The following RPH3AL variants were observed in gnomAD, a reference collection of about 807,000 sequenced individuals.
RPH3AL encodes the protein rab effector Noc2.
RPH3AL carries 38 observed loss-of-function variants against 43.1 expected under a neutral mutation model. That is an observed-to-expected ratio of 0.88 (90% CI 0.68 to 1.15). The LOEUF is 1.15. Ranked by LOEUF, RPH3AL falls within the 50% of genes most tolerant of loss-of-function variation. The probability of loss-of-function intolerance (pLI) is 0.00; values close to 1 mark genes in which losing one functional copy is unlikely to be tolerated. For synonymous variants in RPH3AL, 189 were observed against 176.3 expected, an observed-to-expected ratio of 1.07 and a Z score of -0.57; for missense variants, 462 against 423.2, an observed-to-expected ratio of 1.09 and a Z score of -0.81.
At chr17:301,095 G>C (rs1184732197) in intron 5 of RPH3AL, among the ~76,000 whole-genome samples, 1 of 152,276 alleles carries the variant, frequency 6.6e-6, no homozygotes, top group Non-Finnish European at 1.5e-5. Flanking sequence ...GCTGCCTCAG[G>C]GGGGCCCAGG....
At chr17:320,262 A>G (rs896393963) in intron 4 of RPH3AL, among the ~76,000 whole-genome samples, 1 of 150,972 alleles carries the variant, frequency 6.6e-6, no homozygotes, top group Non-Finnish European at 1.5e-5. Context: ...GGCATGTTCC[A>G]TGGGACCAGC....
chr17:249,199 G>A lies in RPH3AL; in HGVS notation c.439-1914C>T, dbSNP rs1567583818. ...ATTTAGTCAGGAGGGGTGGGAGCCT[G>A]TAAACGAACACTTTGCAAAAACCTC... On this transcript the variant is annotated intron_variant, in intron 6 of 9. Transcript: ENST00000331302. Among the ~76,000 whole-genome samples the A allele has an allele frequency of 2.6e-5, 4 of 152,276 alleles. No individual in the cohort carries two copies. The South Asian group carries it at 8.3e-4, about 32-fold the overall frequency.
intron 6 of RPH3AL, among the ~76,000 whole-genome samples, chr17:273,938 C>T (rs945132058): frequency 2.0e-5 from 3 of 152,176 alleles, no homozygotes; most frequent in African/African-American, 7.2e-5. Context: ...CCTCAGATAA[C>T]ATCTGTGTCC....
intron 6 of RPH3AL, among the ~76,000 whole-genome samples, chr17:265,810 G>A (rs978590870): frequency 3.3e-5 from 5 of 152,140 alleles, no homozygotes; most frequent in African/African-American, 7.2e-5. Flanking sequence ...TCTTGCAGAC[G>A]GGAGGCCGGT....
intron 3 of RPH3AL, among the ~76,000 whole-genome samples, chr17:324,061 G>A (rs12947264): frequency 0.32 from 48,091 of 150,374 alleles, 8,948 homozygotes; most frequent in Non-Finnish European, 0.44. Context: ...CCTCAGCCAC[G>A]CGGCGAGGCA....
At chr17:332,029 G>A (rs2044782409) in intron 2 of RPH3AL, 1 of 447,142 alleles carries the variant, frequency 2.2e-6, no homozygotes, top group East Asian at 7.1e-5. Context: ...CAGGGCTGGT[G>A]GAGCTCTGGG....
chr17:243,371 C>T lies in RPH3AL; in HGVS notation c.613+3740G>A, dbSNP rs543019440. Among the ~76,000 whole-genome samples the T allele has an allele frequency of 1.9e-4, 24 of 125,492 alleles. No individual in the cohort carries two copies. In the East Asian group the frequency reaches 3.9e-3, roughly 21 times the overall value. The allele number at this position is 125,492 out of a possible 152,430, so 82.3% of individuals were successfully genotyped here. On this transcript the variant is annotated intron_variant, in intron 7 of 9. Transcript: ENST00000331302. ...CTGATTACCCTTCCTCTATTGATTACCCTTCCTCTATTGATTACCTTCCTC... is the reference window on the plus strand; with the variant it reads ...CTGATTACCCTTCCTCTATTGATTATCCTTCCTCTATTGATTACCTTCCTC...
intron 6 of RPH3AL, among the ~76,000 whole-genome samples, chr17:259,811 G>A (rs1486248631): frequency 2.0e-5 from 3 of 152,254 alleles, no homozygotes; most frequent in African/African-American, 4.8e-5. Context: ...TTCAGCTCAC[G>A]GCCAATCTGA....
chr17:215,714 C>T lies in RPH3AL; in HGVS notation c.816G>A (p.Thr272=), dbSNP rs543736012. 2.9e-5 allele frequency: 37 copies of T among 1,294,540 alleles called. No individual in the cohort carries two copies. The highest frequency in any genetic ancestry group is 1.9e-4 in the East Asian group (6 of 31,906). 80.2% of individuals were successfully genotyped at this position (1,294,540 alleles called of 1,614,324 possible). The change falls in exon 9 of 10, where the codon ACG becomes ACA. Residue 272 remains threonine (T), a synonymous_variant. Transcript: ENST00000331302. This position sits in a 1 kb window ranked among gnomAD's most constrained non-coding sequence, Gnocchi z 4.1. ...GCQSSLASGE[T]GTGSADPPGG... ...CTGGCGGGTCAGCAGAGCCTGTCCC[C>T]GTCTCACCACTGGCCAGGCTGCTCT... is the stretch of plus-strand genomic sequence containing the variant.
At chr17:284,690 C>T (rs987995120) in intron 5 of RPH3AL, among the ~76,000 whole-genome samples, 17 of 152,276 alleles carry the variant, frequency 1.1e-4, no homozygotes, top group Admixed American at 6.5e-4. Flanking sequence ...CCCCGGGGGC[C>T]GCCTTCCCCT....
intron 5 of RPH3AL, among the ~76,000 whole-genome samples, chr17:299,694 G>C (rs149067341): frequency 4.9e-4 from 74 of 152,356 alleles, no homozygotes; most frequent in African/African-American, 1.8e-3. Flanking sequence ...TGCAGGGCAC[G>C]GCCGACGAGG....
chr17:244,001 T>G (rs2041672632), intron 7 of RPH3AL, among the ~76,000 whole-genome samples: 1 of 151,380 alleles, frequency 6.6e-6, no homozygotes, highest in African/African-American at 2.4e-5. Context: ...CCTTCCTCTA[T>G]TGATTACCCT....
intron 7 of RPH3AL, among the ~76,000 whole-genome samples, chr17:220,001 C>G (rs970126304): frequency 3.3e-5 from 5 of 152,174 alleles, no homozygotes; most frequent in Non-Finnish European, 7.4e-5. Flanking sequence ...GTTGGCCAGC[C>G]ACCTCCACAT....
chr17:302,557 T>A (rs2043355010), intron 5 of RPH3AL, among the ~76,000 whole-genome samples: 1 of 151,788 alleles, frequency 6.6e-6, no homozygotes, highest in Non-Finnish European at 1.5e-5. Context: ...CCAGGAGAGA[T>A]TCGGACCCCA....
intron 6 of RPH3AL, among the ~76,000 whole-genome samples, chr17:281,182 TAGC>T (rs1370761041): frequency 1.3e-5 from 2 of 152,116 alleles, no homozygotes; most frequent in Non-Finnish European, 2.9e-5. Context: ...CATAGAACTG[TAGC>T]AGCAGAAGGG....
At position 309,949 on chromosome 17, in the gene RPH3AL, A is replaced by G. The variant is rs76723580; in HGVS notation, c.351+9471T>C. On this transcript the variant is annotated intron_variant, in intron 5 of 9. Transcript: ENST00000331302. ...CTCCTCTAAGGGACGTGGGCAAAAT[A>G]TAAGACTGCCCAGTCTTCCTTCATG... Among the ~76,000 whole-genome samples the G allele has an allele frequency of 3.8e-4, 58 of 152,170 alleles. No homozygotes were observed. The East Asian group carries it at 0.011, about 28-fold the overall frequency.
At chr17:266,863 G>C (rs1331857032) in intron 6 of RPH3AL, among the ~76,000 whole-genome samples, 1 of 152,244 alleles carries the variant, frequency 6.6e-6, no homozygotes, top group Non-Finnish European at 1.5e-5. Context: ...TTACCGGTAA[G>C]GAGCATTTGC....
chr17:303,319 G>A (rs915458310), intron 5 of RPH3AL, among the ~76,000 whole-genome samples: 12 of 152,092 alleles, frequency 7.9e-5, no homozygotes, highest in African/African-American at 2.7e-4. Flanking sequence ...GGAGCCCAGA[G>A]GGGTGAGGCT....
rs1000654335 is a variant in RPH3AL, at chr17:324,296, C to T, written c.78-2881G>A. Among the ~76,000 whole-genome samples, 20 of 152,310 alleles carry T rather than the reference C, an allele frequency of 1.3e-4. 1 individual carries two copies. Among genetic ancestry groups the T allele is most frequent in the South Asian group, 6.2e-4 (3 of 4,820 alleles). On this transcript the variant is annotated intron_variant, in intron 3 of 9. Transcript: ENST00000331302. ...TTCCTGCCTCCACCTGCTCCGCCTC[C>T]GGGCCCCAGTCATCCACGTCCTCTC...
Sources: allele counts gnomAD v4.1 joint callset (sites outside exome capture counted in the v4.1 genomes callset), GRCh38; gene constraint gnomAD v4.1.1; non-coding constraint Gnocchi (gnomAD v3.1); transcripts MANE v1.5; gene names NCBI Gene and HGNC (gene_info 2026-07-23, HGNC 2026-07-21).